The following DDI2 variants were observed in gnomAD, a reference collection of about 807,000 sequenced individuals.
DDI2 encodes protein DDI1 homolog 2.
DDI2 carries 5 observed loss-of-function variants against 48.1 expected under a neutral mutation model. The observed-to-expected ratio is 0.10, with a 90% CI of 0.05 to 0.22. The LOEUF is 0.22. Ranked by LOEUF, DDI2 falls within the 10% of genes least tolerant of loss-of-function variation. The pLI is 1.00. For synonymous variants in DDI2, 205 were observed against 183.6 expected, an observed-to-expected ratio of 1.12 and a Z score of -0.94; for missense variants, 285 against 506.2, an observed-to-expected ratio of 0.56 and a Z score of 4.19.
At chr1:15,656,834 A>G in intron 9 of DDI2, 155 bp downstream of exon 9, 1 of 978,406 alleles carries the variant, frequency 1.0e-6, no homozygotes. Flanking sequence ...GTATTTTGGC[A>G]TGCATACATG....
At chr1:15,631,037 G>T (rs563256994) in intron 3 of DDI2, among the ~76,000 whole-genome samples, 23 of 152,278 alleles carry the variant, frequency 1.5e-4, no homozygotes, top group African/African-American at 5.5e-4. Flanking sequence ...TAGAGACGGG[G>T]TTTCACCGTG....
intron 8 of DDI2, among the ~76,000 whole-genome samples, chr1:15,652,822 C>A (rs1640212910): frequency 6.7e-6 from 1 of 148,578 alleles, no homozygotes; most frequent in African/African-American, 2.5e-5. Flanking sequence ...GACTCCATCT[C>A]AAAAAAAAAT....
chr1:15,624,735 G>A (rs1053702093), intron 1 of DDI2, among the ~76,000 whole-genome samples: 3 of 151,952 alleles, frequency 2.0e-5, no homozygotes, highest in Non-Finnish European at 2.9e-5. Context: ...CCAATGGAAC[G>A]CTAAGCTTGT....
Position 15,652,019 on chromosome 1 carries a change from G to GTTCATTAT in DDI2, c.1183+127_1183+134dup, listed in dbSNP as rs1339125007. The GTTCATTAT allele has an allele frequency of 1.8e-5, 9 of 506,436 alleles. No homozygotes were observed. The East Asian group carries it at 5.1e-4, about 29-fold the overall frequency. 31.4% of individuals were successfully genotyped at this position (506,436 alleles called of 1,614,324 possible). On this transcript the variant is annotated intron_variant, in intron 8 of 9. Transcript: ENST00000480945. ...AGTCTCATGGTCCAGTAGTAGATGT[G>GTTCATTAT]TTCATTATTTGTCTTCTTAACCTCC...
In DDI2 at chr1:15,666,035, A is replaced by G. The variant is rs987443581; in HGVS notation, c.*6245A>G. 1 of 152,198 alleles carries G rather than the reference A, an allele frequency of 6.6e-6. No homozygotes were observed. Among genetic ancestry groups the G allele is most frequent in the Non-Finnish European group, 1.5e-5 (1 of 68,006 alleles). 9.4% of individuals were successfully genotyped at this position (152,198 alleles called of 1,614,324 possible). On this transcript the variant is annotated 3_prime_UTR_variant, in exon 10 of 10. Transcript: ENST00000480945. ...TATCAAGAGTTTCCCTTCCTAGAAG[A>G]TGAATGTTACCTTTTGTGTTAGGAG...
At chr1:15,619,403 G>A (rs927059640) in intron 1 of DDI2, among the ~76,000 whole-genome samples, 3 of 148,550 alleles carry the variant, frequency 2.0e-5, no homozygotes, top group African/African-American at 7.5e-5. Context: ...TGCGATTACA[G>A]GTGTGAGCCA....
chr1:15,634,176 G>A (rs1639890403), intron 4 of DDI2: 1 of 167,692 alleles, frequency 6.0e-6, no homozygotes, highest in Admixed American at 6.0e-5. Flanking sequence ...CAGATGCTTG[G>A]ACTCTTCTCC....
At chr1:15,632,934 A>ATTTTT (rs1557614982) in intron 3 of DDI2, among the ~76,000 whole-genome samples, 409 of 102,362 alleles carry the variant, frequency 4.0e-3, no homozygotes, top group African/African-American at 0.015. Context: ...TTTTTTTTAA[A>ATTTTT]AAAAAAAAAA....
At chr1:15,637,629 A>G (rs959847160) in intron 4 of DDI2, among the ~76,000 whole-genome samples, 34 of 152,180 alleles carry the variant, frequency 2.2e-4, no homozygotes, top group African/African-American at 8.2e-4. Context: ...TGGCCTCCCA[A>G]AGTGTTGGGA....
In DDI2 at chr1:15,660,855, C is replaced by A; in HGVS notation, c.*1065C>A. 1 of 1,614,150 alleles carries A rather than the reference C, an allele frequency of 6.2e-7. No individual in the cohort carries two copies. The highest frequency in any genetic ancestry group is 8.5e-7 in the Non-Finnish European group (1 of 1,180,024). ...GAACAAATAAAGAATATGGCCATTA[C>A]TCCTCTCCAAGTCTCTGTGGCAGTT... On this transcript the variant is annotated 3_prime_UTR_variant, in exon 10 of 10. Transcript: ENST00000480945.
intron 4 of DDI2, 134 bp from the exon 5 acceptor site, chr1:15,638,173 A>G (rs868094148): frequency 2.4e-5 from 31 of 1,301,916 alleles, no homozygotes; most frequent in Non-Finnish European, 2.9e-5. Context: ...TATAGCACCA[A>G]TTTTTCTATG....
intron 1 of DDI2, among the ~76,000 whole-genome samples, chr1:15,623,354 AAATTAGACAGTTCC>A (rs1639699439): frequency 6.6e-6 from 1 of 151,064 alleles, no homozygotes; most frequent in South Asian, 2.1e-4. Context: ...ATGGGCTTTG[AAATTAGACAGTTCC>A]AATTGCAGTT....
rs1640478282 is a variant in DDI2 at position 15,667,819 on chromosome 1, T to C, written c.*8029T>C. On this transcript the variant is annotated 3_prime_UTR_variant, in exon 10 of 10. Transcript: ENST00000480945. Reference sequence around the variant, plus strand: ...TGTTCTCAAAGGTTTATCAGTTATGTATTGATGATTGGTAATCTAGACCCT... The same window carrying C: ...TGTTCTCAAAGGTTTATCAGTTATGCATTGATGATTGGTAATCTAGACCCT... 1 of 152,356 alleles carries C rather than the reference T, an allele frequency of 6.6e-6. No homozygotes were observed. Among genetic ancestry groups the C allele is most frequent in the East Asian group, 1.9e-4 (1 of 5,194 alleles). The allele number at this position is 152,356 out of a possible 1,614,324, so 9.4% of individuals were successfully genotyped here. A position where few individuals can be genotyped will look rare whatever the true frequency, so the allele number is the denominator to read the frequency against.
chr1:15,638,168 C>G, intron 4 of DDI2, 139 bp from the exon 5 acceptor site: 1 of 1,185,122 alleles, frequency 8.4e-7, no homozygotes, highest in Non-Finnish European at 1.2e-6. Context: ...CCCCATATAG[C>G]ACCAATTTTT....
rs764466841 is a variant in DDI2, at chr1:15,630,376, C to T, written c.320C>T (p.Pro107Leu). The T allele has an allele frequency of 6.2e-6, 10 of 1,614,038 alleles. No homozygotes were observed. Among genetic ancestry groups the T allele is most frequent in the Non-Finnish European group, 8.5e-6 (10 of 1,180,034 alleles). ...ATAGCTGTGCCTGGCACATCAAGTC[C>T]CCGGCAGCGCCAGCCACCAGGAACA... ...SSIAVPGTSS[P>L]RQRQPPGTQQ... The change falls in exon 3 of 10, where the codon CCC becomes CTC. Residue 107 changes from proline to leucine, a missense_variant. Coordinates refer to ENST00000480945, the MANE Select transcript of DDI2 (RefSeq NM_032341.5).
intron 4 of DDI2, among the ~76,000 whole-genome samples, chr1:15,637,990 C>A (rs965990670): frequency 2.0e-5 from 3 of 152,162 alleles, no homozygotes; most frequent in Non-Finnish European, 4.4e-5. Context: ...TTGGAACATT[C>A]CCGAAATTCT....
intron 1 of DDI2, among the ~76,000 whole-genome samples, chr1:15,626,466 C>T (rs767974618): frequency 1.7e-4 from 26 of 152,108 alleles, no homozygotes; most frequent in Admixed American, 6.6e-4. Context: ...TAGTGAAAGG[C>T]GAAGTCAGGA....
chr1:15,652,457 GGGGGGGGGC>G (rs1640204526), intron 8 of DDI2, among the ~76,000 whole-genome samples: 2 of 102,012 alleles, frequency 2.0e-5, no homozygotes, highest in Non-Finnish European at 4.3e-5. Context: ...GGAGGGGGGG[GGGGGGGGGC>G]GGATCACCTG....
intron 6 of DDI2, among the ~76,000 whole-genome samples, chr1:15,647,574 T>C (rs528851495): frequency 6.6e-6 from 1 of 152,358 alleles, no homozygotes; most frequent in East Asian, 1.9e-4. Flanking sequence ...ACTCTTGATA[T>C]GTTGCTAACC....
Sources: gnomAD v4.1 joint callset for allele counts (sites outside exome capture counted in the v4.1 genomes callset) on GRCh38, gnomAD v4.1.1 for gene constraint, MANE v1.5 for transcripts, NCBI Gene and HGNC (gene_info 2026-07-23, HGNC 2026-07-21) for gene names.